The following AGMAT variants were observed in gnomAD, a reference collection of about 807,000 sequenced individuals.
AGMAT encodes guanidino acid hydrolase, mitochondrial.
A neutral mutation model predicts 29.3 loss-of-function variants in AGMAT; 37 were observed. The ratio of observed to expected loss-of-function variants is 1.26; its 90% CI spans 0.97 to 1.66. The LOEUF (loss-of-function observed/expected upper bound fraction) is 1.66, where lower values mean the gene tolerates loss of function less well. Ranked by LOEUF, AGMAT falls within the 40% of genes most tolerant of loss-of-function variation. The probability of loss-of-function intolerance (pLI) is 0.00; values close to 1 mark genes in which losing one functional copy is unlikely to be tolerated. For synonymous variants in AGMAT, 199 were observed against 200.8 expected (o/e 0.99, Z 0.08); for missense variants, 498 against 497.8 (o/e 1.00, Z 0.00).
At position 15,579,055 on chromosome 1, in the gene AGMAT, C is replaced by A; in HGVS notation, c.525-1G>T. 1.9e-6 allele frequency: 3 copies of A among 1,613,588 alleles called. No individual in the cohort carries two copies. Among genetic ancestry groups the A allele is most frequent in the Non-Finnish European group, 1.7e-6 (2 of 1,179,792 alleles). On this transcript the variant is annotated splice_acceptor_variant, in intron 3 of 6. Coordinates refer to ENST00000375826, the MANE Select transcript of AGMAT (RefSeq NM_024758.5). LOFTEE classifies it high-confidence loss of function. ...GTGCAGCAGCCCCACTGGGCCATGCCTGATGACAACAGGGCAGCTCAGAGG... is the reference window on the plus strand; with the variant it reads ...GTGCAGCAGCCCCACTGGGCCATGCATGATGACAACAGGGCAGCTCAGAGG...
At chr1:15,580,222 T>C in intron 2 of AGMAT, 80 bp from the exon 3 acceptor site, 1 of 1,131,990 alleles carries the variant, frequency 8.8e-7, no homozygotes, top group Non-Finnish European at 1.3e-6. Context: ...TTTTTTTTTT[T>C]TGAGATGTAG....
At chr1:15,574,934 AC>A (rs1639016161) in intron 5 of AGMAT, 93 bp from the exon 6 acceptor site, 1 of 979,786 alleles carries the variant, frequency 1.0e-6, no homozygotes, top group Non-Finnish European at 1.6e-6. Flanking sequence ...CCACCCTTTG[AC>A]TTGGAATTGG....
In AGMAT at chr1:15,583,349, C is replaced by T; in HGVS notation, c.319G>A (p.Val107Ile). ...IREESVMLGT[V>I]NPSTGALPFQ... Reference sequence around the variant, plus strand: ...GGGAGGGCCCCCGTGCTAGGATTGACTGTCCCAAGCATCACTGATTCTTCC... The same window carrying T: ...GGGAGGGCCCCCGTGCTAGGATTGATTGTCCCAAGCATCACTGATTCTTCC... The change falls in exon 2 of 7, where the codon GTC becomes ATC. Residue 107 changes from valine (V) to isoleucine (I), a missense_variant. Physicochemically the swap from Val to Ile is conservative, Grantham distance 29 (BLOSUM62 3). Transcript: ENST00000375826. 6.2e-7 allele frequency: 1 copy of T among 1,614,134 alleles called. No homozygotes were observed.
At chr1:15,582,474 A>G (rs1639129144) in intron 2 of AGMAT, among the ~76,000 whole-genome samples, 1 of 152,146 alleles carries the variant, frequency 6.6e-6, no homozygotes, top group African/African-American at 2.4e-5. Context: ...TGCCATCGGG[A>G]AACCACACTC....
At position 15,578,775 on chromosome 1, in the gene AGMAT, C is replaced by T. The variant is rs189460869; in HGVS notation, c.720+84G>A. On this transcript the variant is annotated intron_variant, in intron 4 of 6. Transcript: ENST00000375826. Reference sequence around the variant, plus strand: ...CTTCAGACTTGATTAGTAAAGCCCCCGCTCAATCCCTGGCTGCCACTGGTG... The same window carrying T: ...CTTCAGACTTGATTAGTAAAGCCCCTGCTCAATCCCTGGCTGCCACTGGTG... 3.9e-3 allele frequency: 5,694 copies of T among 1,454,046 alleles called. 16 individuals are homozygous for T. The highest frequency in any genetic ancestry group is 4.7e-3 in the Non-Finnish European group (5,031 of 1,064,046). The allele number at this position is 1,454,046 out of a possible 1,614,324, so 90.1% of individuals were successfully genotyped here.
At chr1:15,576,953 T>C (rs1639049108) in intron 5 of AGMAT, among the ~76,000 whole-genome samples, 1 of 149,822 alleles carries the variant, frequency 6.7e-6, no homozygotes. Flanking sequence ...AGTTTCACCG[T>C]GTTAGCCAAG....
intron 6 of AGMAT, 59 bp from the exon 7 acceptor site, chr1:15,573,783 T>TG: frequency 6.9e-7 from 1 of 1,455,886 alleles, no homozygotes; most frequent in Non-Finnish European, 9.6e-7. Flanking sequence ...AGCCAAGCCT[T>TG]GGGACTCCTC....
intron 6 of AGMAT, 149 bp from the exon 7 acceptor site, chr1:15,573,873 C>A: frequency 1.6e-6 from 1 of 613,240 alleles, no homozygotes; most frequent in Admixed American, 2.9e-5. Flanking sequence ...GCTGTGAACA[C>A]GCTTGCCCAG....
rs1638990718 is a variant in AGMAT, at chr1:15,573,589, C to G, written c.*62G>C. The G allele has an allele frequency of 4.7e-6, 7 of 1,490,364 alleles. No individual in the cohort carries two copies. The South Asian group carries it at 7.9e-5, about 17-fold the overall frequency. 92.3% of individuals were successfully genotyped at this position (1,490,364 alleles called of 1,614,324 possible). ...CTCTTTAGTTCTCAGACTGCTTACT[C>G]ATAAGTTCTTCTTGAGAACTTGTCA... is the stretch of plus-strand genomic sequence containing the variant. On this transcript the variant is annotated 3_prime_UTR_variant, in exon 7 of 7. Coordinates refer to ENST00000375826, the MANE Select transcript of AGMAT (RefSeq NM_024758.5).
chr1:15,578,889 G>C lies in AGMAT; in HGVS notation c.690C>G (p.Thr230=). The stretch of plus-strand genomic sequence containing the variant: ...TCCGGTTGTATCTGTAGGGATCCAA[G>C]GTCGTGGAAGAGCCCCGGATGCCAA... ...VQIGIRGSST[T]LDPYRYNRSQ... The change falls in exon 4 of 7, where the codon ACC becomes ACG. Residue 230 remains threonine, a synonymous_variant. Coordinates refer to ENST00000375826, the MANE Select transcript of AGMAT (RefSeq NM_024758.5). 8.7e-6 allele frequency: 14 copies of C among 1,614,164 alleles called. No individual in the cohort carries two copies. The highest frequency in any genetic ancestry group is 1.2e-5 in the Non-Finnish European group (14 of 1,180,030).
intron 1 of AGMAT, among the ~76,000 whole-genome samples, chr1:15,584,089 A>G (rs571028775): frequency 1.3e-4 from 20 of 152,222 alleles, no homozygotes; most frequent in Non-Finnish European, 2.6e-4. Flanking sequence ...CACAGCAGCC[A>G]TCCCAGCAAG....
chr1:15,582,523 C>T (rs115511567), intron 2 of AGMAT, among the ~76,000 whole-genome samples: 1 of 152,022 alleles, frequency 6.6e-6, no homozygotes, highest in Non-Finnish European at 1.5e-5. Context: ...TCTAACTTGG[C>T]AAAAATGAAT....
chr1:15,584,679 C>T lies in AGMAT; in HGVS notation c.272+17G>A. 7.6e-7 allele frequency: 1 copy of T among 1,308,338 alleles called. No individual in the cohort carries two copies. Among genetic ancestry groups the T allele is most frequent in the Non-Finnish European group, 9.8e-7 (1 of 1,023,762 alleles). The allele number at this position is 1,308,338 out of a possible 1,614,324, so 81.0% of individuals were successfully genotyped here. On this transcript the variant is annotated intron_variant, in intron 1 of 6. Coordinates refer to ENST00000375826, the MANE Select transcript of AGMAT (RefSeq NM_024758.5). ...AGTCCCTCCACGTGTACCCGGCCCC[C>T]GTCCTTCCGGCCTTACCTCGCCCCA...
At chr1:15,576,705 G>A (rs1639042623) in intron 5 of AGMAT, among the ~76,000 whole-genome samples, 1 of 145,136 alleles carries the variant, frequency 6.9e-6, no homozygotes. Context: ...TGGGATTCCA[G>A]GCGTGAGCCA....
chr1:15,581,379 CAAGTT>C (rs754640748), intron 2 of AGMAT, among the ~76,000 whole-genome samples: 4 of 151,992 alleles, frequency 2.6e-5, no homozygotes, highest in Non-Finnish European at 4.4e-5. Context: ...GGAAATTAGA[CAAGTT>C]AAGAGCTACT....
intron 3 of AGMAT, among the ~76,000 whole-genome samples, 162 bp downstream of exon 3, chr1:15,579,932 T>C (rs981328405): frequency 6.6e-6 from 1 of 152,196 alleles, no homozygotes; most frequent in Admixed American, 6.5e-5. Context: ...TTCTAGCTGC[T>C]GACTGACAGA....
intron 6 of AGMAT, among the ~76,000 whole-genome samples, chr1:15,574,378 CT>C (rs1408152074): frequency 0.21 from 28,730 of 136,356 alleles, 2,821 homozygotes; most frequent in Middle Eastern, 0.23. Flanking sequence ...AGGGACTCAT[CT>C]TTTTTTTTTT....
At position 15,582,859 on chromosome 1, in the gene AGMAT, A is replaced by G. The variant is rs540383339; in HGVS notation, c.475+334T>C. Reference sequence around the variant, plus strand: ...CCAAAAATACAAAAATTAGCCAGGCATGGTGGTGGGCGCCTGTAATCCCAG... The same window carrying G: ...CCAAAAATACAAAAATTAGCCAGGCGTGGTGGTGGGCGCCTGTAATCCCAG... On this transcript the variant is annotated intron_variant, in intron 2 of 6. Coordinates refer to ENST00000375826, the MANE Select transcript of AGMAT (RefSeq NM_024758.5). Among the ~76,000 whole-genome samples the G allele has an allele frequency of 1.9e-3, 290 of 152,266 alleles. 1 individual carries two copies. Among genetic ancestry groups the G allele is most frequent in the Middle Eastern group, 0.014 (4 of 294 alleles).
At chr1:15,578,429 G>A (rs1486298382) in intron 4 of AGMAT, among the ~76,000 whole-genome samples, 1 of 151,990 alleles carries the variant, frequency 6.6e-6, no homozygotes, top group Non-Finnish European at 1.5e-5. Context: ...CGAGTAGCTG[G>A]GATTACAGGT....
Sources: allele counts gnomAD v4.1 joint callset (sites outside exome capture counted in the v4.1 genomes callset), GRCh38; gene constraint gnomAD v4.1.1; transcripts MANE v1.5; gene names NCBI Gene and HGNC (gene_info 2026-07-23, HGNC 2026-07-21).